Variants in PRKCH observed in about 807,000 individuals in gnomAD.
PRKCH encodes protein kinase C eta type.
PRKCH carries 28 observed loss-of-function variants against 82.5 expected under a neutral mutation model. The observed-to-expected ratio is 0.34, with a 90% CI of 0.25 to 0.47. PRKCH has a LOEUF of 0.47. PRKCH is among the 20% of genes least tolerant of loss of function. PRKCH has a pLI of 1.00. For synonymous variants in PRKCH, 322 were observed against 327.4 expected (o/e 0.98, Z 0.18); for missense variants, 705 against 881.8 (o/e 0.80, Z 2.54).
At chr14:61,386,992 C>T (rs548091992) in intron 1 of PRKCH, among the ~76,000 whole-genome samples, 170 of 152,290 alleles carry the variant, frequency 1.1e-3, no homozygotes, top group Admixed American at 2.0e-3. Flanking sequence ...AATGATGTTA[C>T]GAAGAGCTGT....
chr14:61,343,993 T>C (rs1180854656), intron 1 of PRKCH, among the ~76,000 whole-genome samples: 1 of 152,208 alleles, frequency 6.6e-6, no homozygotes, highest in Non-Finnish European at 1.5e-5. Context: ...ACTTCCTCGA[T>C]GGTGAAACTT....
chr14:61,251,721 C>T (rs1594874654), intron 1 of PRKCH, among the ~76,000 whole-genome samples: 2 of 152,328 alleles, frequency 1.3e-5, no homozygotes, highest in Admixed American at 6.5e-5. Flanking sequence ...ACATACCCAG[C>T]AGTGGGATTG....
At chr14:61,531,596 C>G (rs1211994866) in intron 12 of PRKCH, among the ~76,000 whole-genome samples, 1 of 152,038 alleles carries the variant, frequency 6.6e-6, no homozygotes, top group Non-Finnish European at 1.5e-5. Flanking sequence ...CTTGATTGTC[C>G]CTGAGAATTC....
chr14:61,530,853 G>A (rs572556322), intron 12 of PRKCH, among the ~76,000 whole-genome samples: 1 of 152,326 alleles, frequency 6.6e-6, no homozygotes, highest in East Asian at 1.9e-4. Flanking sequence ...CAAATAGCAA[G>A]TATTTCTAGC....
intron 1 of PRKCH, among the ~76,000 whole-genome samples, chr14:61,356,056 C>T (rs892448916): frequency 3.9e-5 from 6 of 152,146 alleles, no homozygotes; most frequent in Non-Finnish European, 7.3e-5. Context: ...TCCAGAGAAC[C>T]GGAAGAGCAG....
At chr14:61,321,491 C>T (rs1332636331), upstream of PRKCH, among the ~76,000 whole-genome samples, 3 of 152,092 alleles carry the variant, frequency 2.0e-5, no homozygotes, top group Non-Finnish European at 4.4e-5. This position sits in a 1 kb window ranked among gnomAD's most constrained non-coding sequence, Gnocchi z 4.1. Flanking sequence ...GGGGCTTGCG[C>T]GGGGATCCAC....
At chr14:61,434,517 T>C (rs1278808973) in intron 2 of PRKCH, among the ~76,000 whole-genome samples, 2 of 151,980 alleles carry the variant, frequency 1.3e-5, no homozygotes, top group African/African-American at 4.8e-5. Flanking sequence ...ATGACGTCAA[T>C]AGAGGAAAAT....
intron 1 of PRKCH, among the ~76,000 whole-genome samples, chr14:61,257,298 C>T (rs2045006167): frequency 1.3e-5 from 2 of 152,008 alleles, no homozygotes. Flanking sequence ...AGAAAGCACG[C>T]AGGCCCAGCC....
At chr14:61,375,241 T>G (rs2046414215) in intron 1 of PRKCH, among the ~76,000 whole-genome samples, 1 of 152,120 alleles carries the variant, frequency 6.6e-6, no homozygotes. Context: ...TGAGACCACC[T>G]CAGCTTGGAC....
At chr14:61,512,321 CAG>C (rs1404168440) in intron 10 of PRKCH, among the ~76,000 whole-genome samples, 1 of 146,672 alleles carries the variant, frequency 6.8e-6, no homozygotes, top group Non-Finnish European at 1.5e-5. Flanking sequence ...TCCACAGCCT[CAG>C]AGAGAAAATC....
intron 1 of PRKCH, among the ~76,000 whole-genome samples, chr14:61,263,433 G>T (rs2045068201): frequency 6.6e-6 from 1 of 151,804 alleles, no homozygotes; most frequent in Non-Finnish European, 1.5e-5. Flanking sequence ...CTACAACCTT[G>T]TAAAATTGGT....
intron 2 of PRKCH, among the ~76,000 whole-genome samples, chr14:61,393,085 C>A (rs1005524304): frequency 2.6e-5 from 4 of 152,198 alleles, no homozygotes; most frequent in Non-Finnish European, 5.9e-5. Context: ...TCTGTTCTGT[C>A]CTGTTGATCT....
At chr14:61,436,617 C>G (rs1318384737) in intron 2 of PRKCH, among the ~76,000 whole-genome samples, 5 of 152,216 alleles carry the variant, frequency 3.3e-5, no homozygotes, top group African/African-American at 1.2e-4. Context: ...ACAGCAACCT[C>G]TGCCTCCCAG....
At chr14:61,519,494 T>G (rs571268249) in intron 10 of PRKCH, among the ~76,000 whole-genome samples, 143 of 152,186 alleles carry the variant, frequency 9.4e-4, no homozygotes, top group Non-Finnish European at 1.5e-3. Context: ...GGAGGAGGTA[T>G]GAGGGGGTAG....
rs546954722 is a variant in PRKCH at position 61,284,409 on chromosome 14, A to G, written c.-19+96741A>G. ...ATCAAAAGAAAAAGAAGATACTGGT[A>G]GATTGGCAGTCCTAATAATGTTAAT... On this transcript the variant is annotated intron_variant, in intron 1 of 3. Coordinates refer to the PRKCH transcript ENST00000555185. Among the ~76,000 whole-genome samples the G allele has an allele frequency of 1.9e-3, 287 of 152,366 alleles. 2 individuals are homozygous for G. Among genetic ancestry groups the G allele is most frequent in the Non-Finnish European group, 3.1e-3 (210 of 68,032 alleles).
At chr14:61,311,668 T>C (rs1368124327) in intron 1 of PRKCH, among the ~76,000 whole-genome samples, 3 of 152,230 alleles carry the variant, frequency 2.0e-5, no homozygotes, top group African/African-American at 4.8e-5. Context: ...AAGAACTGCC[T>C]GACACTGGGT....
At chr14:61,260,097 T>C (rs2045033275) in intron 1 of PRKCH, among the ~76,000 whole-genome samples, 1 of 152,206 alleles carries the variant, frequency 6.6e-6, no homozygotes. Context: ...ATGGTTGCAA[T>C]GTCTAAATGG....
intron 1 of PRKCH, among the ~76,000 whole-genome samples, chr14:61,228,681 AT>A (rs1161280402): frequency 6.6e-6 from 1 of 152,016 alleles, no homozygotes; most frequent in Non-Finnish European, 1.5e-5. Context: ...TTCTATATGT[AT>A]TTTGCTTTCC....
At chr14:61,289,643 G>T (rs1329239256) in intron 1 of PRKCH, among the ~76,000 whole-genome samples, 1 of 152,230 alleles carries the variant, frequency 6.6e-6, no homozygotes, top group Non-Finnish European at 1.5e-5. Context: ...GGAGGTGGAG[G>T]CTGCAGTGAG....
Sources: allele counts gnomAD v4.1 joint callset (sites outside exome capture counted in the v4.1 genomes callset), GRCh38; gene constraint gnomAD v4.1.1; non-coding constraint Gnocchi (gnomAD v3.1); transcripts MANE v1.5; gene names NCBI Gene and HGNC (gene_info 2026-07-23, HGNC 2026-07-21).